SCN7A: variants seen among roughly 807,000 people sequenced by gnomAD.
The protein encoded by SCN7A is sodium voltage-gated channel alpha subunit 7.
A neutral mutation model predicts 155.2 loss-of-function variants in SCN7A; 138 were observed. The ratio of observed to expected loss-of-function variants is 0.89; its 90% CI spans 0.77 to 1.02. SCN7A has a LOEUF of 1.02. SCN7A is among the 50% of genes least tolerant of loss of function. The pLI, the probability that SCN7A is intolerant of heterozygous loss-of-function variation, is 0.00. For missense variants in SCN7A, 2,058 were observed against 1,986.6 expected, an observed-to-expected ratio of 1.04 and a Z score of -0.68; for synonymous variants, 693 against 649.0, an observed-to-expected ratio of 1.07 and a Z score of -1.03.
chr2:166,434,113 A>G (rs1183066078), intron 15 of SCN7A, among the ~76,000 whole-genome samples: 1 of 152,092 alleles, frequency 6.6e-6, no homozygotes, highest in Non-Finnish European at 1.5e-5. Flanking sequence ...AAAATTTTAG[A>G]TCTATGTGAA....
chr2:166,421,253 T>C lies in SCN7A; in HGVS notation c.3072A>G (p.Lys1024=). ...SLIGKTREEL[K]PLISMKFLRP... Reference sequence around the variant, plus strand: ...GAAGGAATTTCATGGAAATAAGAGGTTTTAGTTCTTCCCGAGTTTTGCCTA... The same window carrying C: ...GAAGGAATTTCATGGAAATAAGAGGCTTTAGTTCTTCCCGAGTTTTGCCTA... The change falls in exon 20 of 26, where the codon AAA becomes AAG. Residue 1024 remains lysine, a synonymous_variant. Transcript: ENST00000643258. 6.5e-7 allele frequency: 1 copy of C among 1,535,564 alleles called. No individual in the cohort carries two copies. The highest frequency in any genetic ancestry group is 2.5e-5 in the East Asian group (1 of 40,178).
chr2:166,432,434 G>C lies in SCN7A; in HGVS notation c.2476C>G (p.Leu826Val). ...KNATENESQS[L>V]IPSPSVSETV... Reference sequence around the variant, plus strand: ...TCTGAGACACTAGGACTGGGGATAAGTGATTGGCTCTCATTTTCAGTAGCG... The same window carrying C: ...TCTGAGACACTAGGACTGGGGATAACTGATTGGCTCTCATTTTCAGTAGCG... The change falls in exon 16 of 26, where the codon CTT becomes GTT. Residue 826 changes from leucine (L) to valine (V), a missense_variant. Leu to Val is a conservative substitution (Grantham distance 32). Transcript: ENST00000643258. 6.2e-7 allele frequency: 1 copy of C among 1,613,610 alleles called. No individual in the cohort carries two copies. The highest frequency in any genetic ancestry group is 8.5e-7 in the Non-Finnish European group (1 of 1,179,652).
chr2:166,456,251 T>A (rs1284113927), intron 11 of SCN7A, among the ~76,000 whole-genome samples: 1 of 152,052 alleles, frequency 6.6e-6, no homozygotes, highest in Non-Finnish European at 1.5e-5. Flanking sequence ...AAATATCTAA[T>A]GTAGATGACA....
At chr2:166,463,812 T>C (rs1420878998) in intron 9 of SCN7A, among the ~76,000 whole-genome samples, 1 of 151,996 alleles carries the variant, frequency 6.6e-6, no homozygotes, top group African/African-American at 2.4e-5. Context: ...ACTCAGCACT[T>C]TGGGAGGCCA....
rs773490932 is a variant in SCN7A at position 166,405,706 on chromosome 2, C to T, written c.4923G>A (p.Leu1641=). Residue 1641 remains leucine, a synonymous_variant, in exon 26 of 26, where the codon TTG becomes TTA. Transcript: ENST00000643258. ...CTGATGTATTTTTGTCATTTCGCCT[C>T]AAGCGGTAATTTTTATAAGCACGTT... ...IIQRAYKNYR[L]RRNDKNTSDI... is the part of the protein sequence containing the mutation. 80 of 1,612,914 alleles carry T rather than the reference C, an allele frequency of 5.0e-5. No homozygotes were observed. The Admixed American group carries it at 1.3e-3, about 27-fold the overall frequency.
intron 1 of SCN7A, among the ~76,000 whole-genome samples, chr2:166,492,914 T>C (rs192086191): frequency 6.6e-6 from 1 of 152,252 alleles, no homozygotes; most frequent in East Asian, 1.9e-4. Context: ...GCTTAATTTG[T>C]ACAAAAATTG....
At chr2:166,417,332 G>A (rs548440780) in intron 20 of SCN7A, among the ~76,000 whole-genome samples, 3 of 152,236 alleles carry the variant, frequency 2.0e-5, no homozygotes, top group African/African-American at 7.2e-5. Context: ...AATTAGCCAG[G>A]TGTGGTGGCG....
chr2:166,428,079 T>A, intron 17 of SCN7A, 137 bp from the exon 18 acceptor site: 3 of 949,916 alleles, frequency 3.2e-6, no homozygotes, highest in Non-Finnish European at 3.1e-6. Context: ...TATAAACATT[T>A]AATTTTTACC....
chr2:166,410,137 CA>C (rs1701167671), intron 24 of SCN7A, 82 bp downstream of exon 24: 2 of 1,212,418 alleles, frequency 1.6e-6, no homozygotes, highest in South Asian at 3.2e-5. Flanking sequence ...AAAATTTTGA[CA>C]AAAACATTTG....
At chr2:166,440,457 T>C (rs1405315999) in intron 15 of SCN7A, 1 of 152,118 alleles carries the variant, frequency 6.6e-6, no homozygotes, top group African/African-American at 2.4e-5. Flanking sequence ...ACCTCCCACG[T>C]GATGCCAATA....
chr2:166,424,141 T>C (rs1701571453), intron 18 of SCN7A, among the ~76,000 whole-genome samples: 1 of 152,098 alleles, frequency 6.6e-6, no homozygotes, highest in Non-Finnish European at 1.5e-5. Flanking sequence ...AAACCTACTG[T>C]TAAATGGAAG....
chr2:166,418,845 T>A (rs1559092349), intron 20 of SCN7A, among the ~76,000 whole-genome samples: 1 of 152,166 alleles, frequency 6.6e-6, no homozygotes, highest in Non-Finnish European at 1.5e-5. Flanking sequence ...ACATAAATCA[T>A]TAATTTTGTA....
chr2:166,472,374 G>T lies in SCN7A; in HGVS notation c.515C>A (p.Ser172Ter), dbSNP rs759575283. The change falls in exon 6 of 26, where the codon TCA becomes TAA. Residue 172 changes from serine to a stop codon, truncating the protein, a stop_gained. Coordinates refer to ENST00000643258, the MANE Select transcript of SCN7A (RefSeq NM_002976.4). LOFTEE classifies it high-confidence loss of function. Reference protein sequence around the residue: ...KLFARGVWAGSFSFLGDPWNW... With the variant: ...KLFARGVWAG ...CCATGGATCACCGAGGAAGGAAAAT[G>T]ATCCTGCCCAGACACCTCTTGCAAA... 6.2e-7 allele frequency: 1 copy of T among 1,608,740 alleles called. No homozygotes were observed. The highest frequency in any genetic ancestry group is 8.5e-7 in the Non-Finnish European group (1 of 1,176,764).
At chr2:166,489,136 C>T (rs545974677) in intron 1 of SCN7A, among the ~76,000 whole-genome samples, 1 of 152,212 alleles carries the variant, frequency 6.6e-6, no homozygotes, top group South Asian at 2.1e-4. Flanking sequence ...TCATGGAATA[C>T]CTAGTTAGTT....
intron 16 of SCN7A, 80 bp from the exon 17 acceptor site, chr2:166,429,354 GAAGT>G (rs1282094611): frequency 2.3e-6 from 2 of 859,410 alleles, no homozygotes; most frequent in Non-Finnish European, 3.6e-6. Context: ...TTCATTTTCA[GAAGT>G]AAGAAAAATT....
rs1481030821 is a variant in SCN7A, at chr2:166,444,856, A to C, written c.1532T>G (p.Leu511Arg). ...IIMAPFTDLF[L>R]IICIILNVCF... ...TACGTTTAAAATTATGCATATGATA[A>C]GGAAAAGATCAGTAAATGGTGCCAT... The change falls in exon 13 of 26, where the codon CTT (leucine) becomes CGT (arginine). Residue 511 changes from leucine (L) to arginine (R), a missense_variant. By Grantham distance (102) the Leu-to-Arg change is moderately radical (BLOSUM62 -2). Transcript: ENST00000643258. 6.2e-7 allele frequency: 1 copy of C among 1,612,478 alleles called. No individual in the cohort carries two copies. The highest frequency in any genetic ancestry group is 8.5e-7 in the Non-Finnish European group (1 of 1,178,918).
intron 15 of SCN7A, among the ~76,000 whole-genome samples, chr2:166,438,935 T>G (rs1484562853): frequency 6.6e-6 from 1 of 150,582 alleles, no homozygotes; most frequent in Admixed American, 6.6e-5. Context: ...AGAAAGAGAT[T>G]GGAGTTCAAA....
chr2:166,469,692 G>A (rs573764764), intron 7 of SCN7A, among the ~76,000 whole-genome samples: 1 of 151,958 alleles, frequency 6.6e-6, no homozygotes, highest in East Asian at 1.9e-4. Context: ...GAAGATGCAT[G>A]TGAAATATGT....
intron 18 of SCN7A, among the ~76,000 whole-genome samples, chr2:166,427,136 C>A (rs1173564208): frequency 6.6e-6 from 1 of 152,104 alleles, no homozygotes; most frequent in East Asian, 1.9e-4. Flanking sequence ...ATGCACATAG[C>A]TTCTGAATTT....
Sources: gnomAD v4.1 joint callset for allele counts (sites outside exome capture counted in the v4.1 genomes callset) on GRCh38, gnomAD v4.1.1 for gene constraint, MANE v1.5 for transcripts, NCBI Gene and HGNC (gene_info 2026-07-23, HGNC 2026-07-21) for gene names.